The following CACNA1C variants were observed in gnomAD, a reference collection of about 807,000 sequenced individuals.
CACNA1C encodes calcium voltage-gated channel subunit alpha1 C, also known as voltage-dependent L-type calcium channel subunit alpha-1C.
CACNA1C carries 30 observed loss-of-function variants against 229.0 expected under a neutral mutation model. The observed-to-expected ratio is 0.13, with a 90% CI of 0.10 to 0.18. The LOEUF is 0.18. Among genes scored for constraint, CACNA1C ranks in the 10% least tolerant of loss-of-function variants. The pLI is 1.00. For missense variants in CACNA1C, 1,658 were observed against 2,845.0 expected (o/e 0.58, Z 9.49); for synonymous variants, 1,114 against 1,132.5 (o/e 0.98, Z 0.33).
At chr12:2,060,593 A>G (rs2057109068) in intron 1 of CACNA1C, among the ~76,000 whole-genome samples, 2 of 152,220 alleles carry the variant, frequency 1.3e-5, no homozygotes, top group Non-Finnish European at 2.9e-5. Flanking sequence ...GACTCGGTCT[A>G]GCTTGAAGAC....
intron 3 of CACNA1C, chr12:2,217,599 TCTTA>T (rs2060307514): frequency 1.3e-5 from 2 of 152,240 alleles, no homozygotes; most frequent in African/African-American, 4.8e-5. Flanking sequence ...ACACATTGAA[TCTTA>T]CTTTCTATGA....
intron 11 of CACNA1C, among the ~76,000 whole-genome samples, chr12:2,561,673 G>T (rs552745231): frequency 2.3e-4 from 35 of 152,336 alleles, no homozygotes; most frequent in African/African-American, 8.4e-4. Flanking sequence ...CAAGAGGAAG[G>T]CCCAGTGTAG....
chr12:2,330,922 C>G (rs754189132), intron 3 of CACNA1C, among the ~76,000 whole-genome samples: 40 of 151,972 alleles, frequency 2.6e-4, no homozygotes, highest in Non-Finnish European at 3.7e-4. Flanking sequence ...ACTTTAATAG[C>G]TCAAAACAGT....
chr12:2,296,193 G>A (rs2094021524), intron 3 of CACNA1C, among the ~76,000 whole-genome samples: 1 of 152,234 alleles, frequency 6.6e-6, no homozygotes, highest in Non-Finnish European at 1.5e-5. Flanking sequence ...TGCTAATGGA[G>A]TGGGGACGTG....
At chr12:2,258,237 C>T (rs1312229223) in intron 3 of CACNA1C, among the ~76,000 whole-genome samples, 1 of 152,210 alleles carries the variant, frequency 6.6e-6, no homozygotes, top group Non-Finnish European at 1.5e-5. Flanking sequence ...TCGCTTGTTT[C>T]CGCCTCTCAA....
rs535388483 is a variant in CACNA1C, at chr12:2,680,570, T to C, written c.5444+774T>C. On this transcript the variant is annotated intron_variant, in intron 42 of 46. Transcript: ENST00000399655. ...CAGCAGGCTGCACAGCCCCCCAGCATGCCAGGTTCTTGACATGCTCGCCCT... is the reference window on the plus strand; with the variant it reads ...CAGCAGGCTGCACAGCCCCCCAGCACGCCAGGTTCTTGACATGCTCGCCCT... 9.6e-6 allele frequency: 15 copies of C among 1,563,004 alleles called. No homozygotes were observed. The highest frequency in any genetic ancestry group is 1.2e-5 in the Non-Finnish European group (14 of 1,153,360).
chr12:2,587,712 A>T (rs1296203188), intron 18 of CACNA1C, among the ~76,000 whole-genome samples: 1 of 152,168 alleles, frequency 6.6e-6, no homozygotes, highest in Non-Finnish European at 1.5e-5. Context: ...TACGCTTTCC[A>T]GCTGAAAAGC....
chr12:2,209,981 A>C (rs899122236), intron 3 of CACNA1C, among the ~76,000 whole-genome samples: 12 of 152,262 alleles, frequency 7.9e-5, no homozygotes, highest in African/African-American at 2.9e-4. Context: ...TCAGTAACAC[A>C]TGCCAGAGAA....
chr12:1,988,591 G>A (rs561720746), intron 1 of CACNA1C, among the ~76,000 whole-genome samples: 33 of 152,248 alleles, frequency 2.2e-4, no homozygotes, highest in Non-Finnish European at 4.6e-4. Flanking sequence ...TATCTCTTTC[G>A]TAAAATGGAT....
intron 3 of CACNA1C, among the ~76,000 whole-genome samples, chr12:2,129,443 C>G (rs2091505133): frequency 6.6e-6 from 1 of 152,166 alleles, no homozygotes; most frequent in Non-Finnish European, 1.5e-5. Flanking sequence ...GATTTGAAGT[C>G]TAAATATGGT....
At position 2,348,181 on chromosome 12, in the gene CACNA1C, C is replaced by T. The variant is rs1476264327; in HGVS notation, c.478-100795C>T. Among the ~76,000 whole-genome samples the T allele has an allele frequency of 1.3e-5, 2 of 152,174 alleles. No homozygotes were observed. The highest frequency in any genetic ancestry group is 2.9e-5 in the Non-Finnish European group (2 of 68,006). ...TAGCTGCCAGTGGGATGGCCCCAGC[C>T]GGAGGAGCTGGGCAGTGCAGCGAGG... On this transcript the variant is annotated intron_variant, in intron 3 of 46. Coordinates refer to ENST00000399655, the MANE Select transcript of CACNA1C (RefSeq NM_000719.7). This position sits in a 1 kb window ranked among gnomAD's most constrained non-coding sequence, Gnocchi z 4.7.
At chr12:2,544,187 T>C (rs1487219455) in intron 9 of CACNA1C, among the ~76,000 whole-genome samples, 1 of 152,152 alleles carries the variant, frequency 6.6e-6, no homozygotes, top group Non-Finnish European at 1.5e-5. Flanking sequence ...AAGTTTCTGT[T>C]CCACACTTTG....
chr12:2,135,671 T>C (rs1363935451), intron 3 of CACNA1C, among the ~76,000 whole-genome samples: 1 of 143,938 alleles, frequency 6.9e-6, no homozygotes. Context: ...CGTTCTCAGA[T>C]CTCCAGCCGC....
intron 1 of CACNA1C, among the ~76,000 whole-genome samples, chr12:1,996,087 T>C (rs2154476259): frequency 6.6e-6 from 1 of 152,284 alleles, no homozygotes; most frequent in South Asian, 2.1e-4. Context: ...CCCTTTCCAT[T>C]TCAATTTCTA....
chr12:2,607,350 A>G lies in CACNA1C; in HGVS notation c.3356+220A>G. On this transcript the variant is annotated intron_variant, in intron 26 of 46. Coordinates refer to ENST00000399655, the MANE Select transcript of CACNA1C (RefSeq NM_000719.7). ...TAGAAGGTGTCAAGAAACTCCCACC[A>G]AAAGTGACCTTTTTTTAGCCCTCTT... The G allele has an allele frequency of 5.8e-6, 3 of 514,890 alleles. No individual in the cohort carries two copies. In the South Asian group the frequency reaches 1.1e-4, roughly 18 times the overall value. The allele number at this position is 514,890 out of a possible 1,614,324, so 31.9% of individuals were successfully genotyped here.
chr12:2,176,748 A>G (rs547350796), intron 3 of CACNA1C, among the ~76,000 whole-genome samples: 154 of 152,302 alleles, frequency 1.0e-3, no homozygotes, highest in African/African-American at 3.5e-3. Flanking sequence ...TCTCTAAACA[A>G]TGGCTACATG....
At chr12:2,268,204 G>C (rs2083187281) in intron 3 of CACNA1C, among the ~76,000 whole-genome samples, 1 of 152,178 alleles carries the variant, frequency 6.6e-6, no homozygotes, top group African/African-American at 2.4e-5. Flanking sequence ...GGAAAGTGAT[G>C]ATGTGGTCCC....
At chr12:2,498,018 CT>C (rs142369789) in intron 7 of CACNA1C, among the ~76,000 whole-genome samples, 2,135 of 147,340 alleles carry the variant, frequency 0.014, 49 homozygotes, top group South Asian at 0.045. Context: ...CTATTAATCT[CT>C]TGGTATTGGT....
intron 1 of CACNA1C, among the ~76,000 whole-genome samples, chr12:2,078,164 GAGA>G (rs1428417373): frequency 6.6e-6 from 1 of 152,168 alleles, no homozygotes; most frequent in Non-Finnish European, 1.5e-5. Flanking sequence ...AGAAACACCA[GAGA>G]GCTTGCTCTC....
Sources: gnomAD v4.1 joint callset for allele counts (sites outside exome capture counted in the v4.1 genomes callset) on GRCh38, gnomAD v4.1.1 for gene constraint, Gnocchi (gnomAD v3.1) non-coding constraint, MANE v1.5 for transcripts, NCBI Gene and HGNC (gene_info 2026-07-23, HGNC 2026-07-21) for gene names.